The following PALLD variants were observed in gnomAD, a reference collection of about 807,000 sequenced individuals.
PALLD encodes the protein palladin.
A neutral mutation model predicts 123.5 loss-of-function variants in PALLD; 61 were observed. That is an observed-to-expected ratio of 0.49 (90% CI 0.40 to 0.61). The LOEUF is 0.61. PALLD is among the 20% of genes least tolerant of loss of function. The pLI is 0.00. For synonymous variants in PALLD, 465 were observed against 496.4 expected, an observed-to-expected ratio of 0.94 and a Z score of 0.84; for missense variants, 1,273 against 1,377.0, an observed-to-expected ratio of 0.92 and a Z score of 1.20.
chr4:168,733,925 C>T (rs1011561163), intron 10 of PALLD, among the ~76,000 whole-genome samples: 16 of 152,022 alleles, frequency 1.1e-4, no homozygotes, highest in Admixed American at 2.0e-4. Context: ...TTAGTAGAGA[C>T]GGGGTTTCAC....
chr4:168,804,420 A>G (rs1216660835), intron 10 of PALLD, among the ~76,000 whole-genome samples: 2 of 151,848 alleles, frequency 1.3e-5, no homozygotes, highest in Non-Finnish European at 2.9e-5. Flanking sequence ...TTTCAAGCCT[A>G]TTATTGTTCA....
chr4:168,561,511 G>A lies in PALLD; in HGVS notation c.908+49099G>A, dbSNP rs189105551. ...GCTGATCGTGAACTCCTGGCCTAAA[G>A]TGATCCACCTGCCTTGGCCTCCCAA... On this transcript the variant is annotated intron_variant, in intron 2 of 21. Coordinates refer to ENST00000505667, the MANE Select transcript of PALLD (RefSeq NM_001166108.2). 2.8e-4 allele frequency among the ~76,000 whole-genome samples: 43 copies of A among 152,276 alleles called. No homozygotes were observed. The East Asian group carries it at 7.9e-3, about 28-fold the overall frequency.
At chr4:168,891,752 C>T (rs1754184082) in intron 11 of PALLD, among the ~76,000 whole-genome samples, 1 of 150,898 alleles carries the variant, frequency 6.6e-6, no homozygotes, top group Non-Finnish European at 1.5e-5. Context: ...GGAGAAGGTG[C>T]GCTTTGGAAT....
At chr4:168,781,338 C>G (rs1030742894) in intron 10 of PALLD, among the ~76,000 whole-genome samples, 3 of 152,078 alleles carry the variant, frequency 2.0e-5, no homozygotes, top group Non-Finnish European at 4.4e-5. Flanking sequence ...AGTTTCAAGT[C>G]AGAAGTGGGC....
At chr4:168,882,658 T>C (rs900203459) in intron 10 of PALLD, among the ~76,000 whole-genome samples, 1 of 152,308 alleles carries the variant, frequency 6.6e-6, no homozygotes, top group South Asian at 2.1e-4. Flanking sequence ...GTGTTATTAC[T>C]GGGCTCATTA....
chr4:168,668,789 T>C (rs1175114019), intron 3 of PALLD, among the ~76,000 whole-genome samples: 1 of 152,212 alleles, frequency 6.6e-6, no homozygotes, highest in African/African-American at 2.4e-5. Context: ...AATTCTAGAA[T>C]TTTGTCTCTT....
intron 10 of PALLD, among the ~76,000 whole-genome samples, chr4:168,798,591 G>A (rs1157835036): frequency 1.3e-5 from 2 of 151,998 alleles, no homozygotes; most frequent in Non-Finnish European, 2.9e-5. Flanking sequence ...AAAACACAGA[G>A]GAAATTAAAA....
intron 3 of PALLD, among the ~76,000 whole-genome samples, chr4:168,670,689 C>T (rs1180108171): frequency 6.9e-6 from 1 of 143,996 alleles, no homozygotes; most frequent in Non-Finnish European, 1.5e-5. Context: ...GCCGAGATTG[C>T]GCCACTGCAG....
At chr4:168,683,546 C>T (rs988587491) in intron 5 of PALLD, among the ~76,000 whole-genome samples, 14 of 152,298 alleles carry the variant, frequency 9.2e-5, no homozygotes, top group African/African-American at 3.4e-4. Flanking sequence ...TCCTTGACTT[C>T]ACCATGCTTT....
At chr4:168,810,664 C>T (rs1206537523) in intron 10 of PALLD, among the ~76,000 whole-genome samples, 2 of 150,464 alleles carry the variant, frequency 1.3e-5, no homozygotes, top group Admixed American at 6.6e-5. Context: ...AAAAGAAGGC[C>T]GGGCGTGGTG....
At chr4:168,818,174 CAAAG>C (rs1287492301) in intron 10 of PALLD, among the ~76,000 whole-genome samples, 1 of 151,732 alleles carries the variant, frequency 6.6e-6, no homozygotes, top group Non-Finnish European at 1.5e-5. Flanking sequence ...TTATCACAAA[CAAAG>C]AAAAAATTAA....
rs1747525371 is a variant in PALLD at position 168,850,111 on chromosome 4, G to A, written c.1965-40811G>A. Among the ~76,000 whole-genome samples, 4 of 152,264 alleles carry A rather than the reference G, an allele frequency of 2.6e-5. No homozygotes were observed. In the South Asian group the frequency reaches 6.2e-4, roughly 24 times the overall value. ...AAAGATCTGATTTTAAGCAGGAAAA[G>A]TTTTGTCTTAGCATATAGCCAGGAA... On this transcript the variant is annotated intron_variant, in intron 10 of 21. Coordinates refer to ENST00000505667, the MANE Select transcript of PALLD (RefSeq NM_001166108.2).
chr4:168,693,209 A>G (rs1384803090), intron 8 of PALLD, among the ~76,000 whole-genome samples: 1 of 149,694 alleles, frequency 6.7e-6, no homozygotes, highest in South Asian at 2.2e-4. Flanking sequence ...CTTCTGTTTC[A>G]GATCTCCCCT....
At chr4:168,740,345 A>G (rs185227348) in intron 10 of PALLD, among the ~76,000 whole-genome samples, 1 of 152,304 alleles carries the variant, frequency 6.6e-6, no homozygotes, top group Admixed American at 6.5e-5. Flanking sequence ...GTCATCTGAA[A>G]TTTTGATACT....
intron 2 of PALLD, among the ~76,000 whole-genome samples, chr4:168,581,182 TG>T (rs896820063): frequency 1.3e-5 from 2 of 152,112 alleles, no homozygotes; most frequent in African/African-American, 4.8e-5. Context: ...TTCCAAATCT[TG>T]GCTGTTGTAG....
chr4:168,729,618 G>A (rs1786953899), intron 10 of PALLD, among the ~76,000 whole-genome samples: 1 of 152,112 alleles, frequency 6.6e-6, no homozygotes, highest in Non-Finnish European at 1.5e-5. Flanking sequence ...GTTCTCCTAG[G>A]ACTTCCCTTC....
At chr4:168,829,747 AG>A (rs1743927591) in intron 10 of PALLD, among the ~76,000 whole-genome samples, 1 of 152,212 alleles carries the variant, frequency 6.6e-6, no homozygotes, top group Non-Finnish European at 1.5e-5. Context: ...GAGAATTCAA[AG>A]AAAGGTGAAG....
chr4:168,560,652 G>C (rs1031226615), intron 2 of PALLD, among the ~76,000 whole-genome samples: 5 of 152,204 alleles, frequency 3.3e-5, no homozygotes, highest in Non-Finnish European at 4.4e-5. Context: ...GTATCAAGCT[G>C]TCAGGAGATC....
At chr4:168,742,155 G>A (rs1248159032) in intron 10 of PALLD, among the ~76,000 whole-genome samples, 2 of 152,196 alleles carry the variant, frequency 1.3e-5, no homozygotes. Flanking sequence ...TCTACTTAGA[G>A]GGCTTTATGG....
Sources: allele counts gnomAD v4.1 joint callset (sites outside exome capture counted in the v4.1 genomes callset), GRCh38; gene constraint gnomAD v4.1.1; transcripts MANE v1.5; gene names NCBI Gene and HGNC (gene_info 2026-07-23, HGNC 2026-07-21).